Variants in ZFPM1 observed in about 807,000 individuals in gnomAD.
The protein encoded by ZFPM1 is zinc finger protein ZFPM1.
A neutral mutation model predicts 46.3 loss-of-function variants in ZFPM1; 28 were observed. That is an observed-to-expected ratio of 0.60 (90% CI 0.45 to 0.83). The LOEUF is 0.83. Among genes scored for constraint, ZFPM1 ranks in the 40% least tolerant of loss-of-function variants. The pLI, the probability that ZFPM1 is intolerant of heterozygous loss-of-function variation, is 0.00. For synonymous variants in ZFPM1, 957 were observed against 675.9 expected (o/e 1.42, Z -6.45); for missense variants, 1,878 against 1,432.4 (o/e 1.31, Z -5.02).
chr16:88,491,113 A>T (rs1449359374), intron 3 of ZFPM1, among the ~76,000 whole-genome samples: 2 of 146,162 alleles, frequency 1.4e-5, no homozygotes, highest in East Asian at 4.0e-4. Flanking sequence ...CGGGGGTCCC[A>T]GTCAGGTGCT....
chr16:88,534,865 C>T lies in ZFPM1; in HGVS notation c.2907C>T (p.Pro969=), dbSNP rs767256393. 12 of 1,567,416 alleles carry T rather than the reference C, an allele frequency of 7.7e-6. No individual in the cohort carries two copies. The highest frequency in any genetic ancestry group is 3.6e-5 in the Admixed American group (2 of 55,308). ...TPSKGTPAPL[P]NGNHRYCRLC... is the part of the protein sequence containing the mutation. ...GCAAGGGCACGCCGGCGCCGCTGCC[C>T]AACGGCAACCACCGGTACTGCCGTC... is the stretch of plus-strand genomic sequence containing the variant. The change falls in exon 10 of 10, where the codon CCC becomes CCT. Residue 969 remains proline (P), a synonymous_variant. Transcript: ENST00000319555.
At chr16:88,518,639 G>A (rs984023856) in intron 4 of ZFPM1, among the ~76,000 whole-genome samples, 2 of 149,480 alleles carry the variant, frequency 1.3e-5, no homozygotes, top group Non-Finnish European at 3.0e-5. Context: ...ATAACCAGGT[G>A]GATGGATGGA....
intron 2 of ZFPM1, among the ~76,000 whole-genome samples, chr16:88,488,563 A>G (rs1380321061): frequency 6.8e-6 from 1 of 147,054 alleles, no homozygotes; most frequent in Non-Finnish European, 1.5e-5. Context: ...TAATCTGTAG[A>G]CACGTGACGT....
In ZFPM1 at chr16:88,480,064, G is replaced by A. The variant is rs1010849815; in HGVS notation, c.41-5875G>A. On this transcript the variant is annotated intron_variant, in intron 1 of 9. Coordinates refer to ENST00000319555, the MANE Select transcript of ZFPM1 (RefSeq NM_153813.3). This position sits in a 1 kb window ranked among gnomAD's most constrained non-coding sequence, Gnocchi z 4.9. ...AGCCTTTGGCAAGACAGTTTGATCC[G>A]CTGAAACCAGGCTCAGGGAGAAGCC... Among the ~76,000 whole-genome samples, 2 of 152,062 alleles carry A rather than the reference G, an allele frequency of 1.3e-5. No individual in the cohort carries two copies. Among genetic ancestry groups the A allele is most frequent in the East Asian group, 1.9e-4 (1 of 5,164 alleles).
chr16:88,519,040 GGATGGATA>G (rs1252402840), intron 4 of ZFPM1, among the ~76,000 whole-genome samples: 40 of 134,040 alleles, frequency 3.0e-4, no homozygotes, highest in Non-Finnish European at 4.1e-4. Context: ...ATGGATGGGT[GGATGGATA>G]GATGGATGGA....
chr16:88,533,286 CGG>C lies in ZFPM1; in HGVS notation c.1329_1330del (p.Glu444AlafsTer227), dbSNP rs748757206. 1.4e-6 allele frequency: 2 copies of C among 1,390,526 alleles called. No individual in the cohort carries two copies. Among genetic ancestry groups the C allele is most frequent in the East Asian group, 2.8e-5 (1 of 35,798 alleles). 86.1% of individuals were successfully genotyped at this position (1,390,526 alleles called of 1,614,324 possible). ...GAGGCCACCAACGGAGAGGCCAGAG[CGG>C]AGCCTCTGGCCCAGAATGGAGGCAG... On this transcript the variant is annotated frameshift_variant, in exon 10 of 10. Transcript: ENST00000319555. LOFTEE classifies it low-confidence loss of function (END_TRUNC).
rs1444559851 is a variant in ZFPM1 at position 88,497,485 on chromosome 16, C to T, written c.268+8332C>T. 1.2e-4 allele frequency among the ~76,000 whole-genome samples: 2 copies of T among 16,520 alleles called. No individual in the cohort carries two copies. The highest frequency in any genetic ancestry group is 5.0e-4 in the African/African-American group (2 of 3,994). The allele number at this position is 16,520 out of a possible 152,430, so 10.8% of individuals were successfully genotyped here. A position where few individuals can be genotyped will look rare whatever the true frequency, so the allele number is the denominator to read the frequency against. Reference sequence around the variant, plus strand: ...GTCAGGGTGGGGCTCAGGGCCCGGGCGGGGATGGGGTTCAGAGGGGTCAGG... The same window carrying T: ...GTCAGGGTGGGGCTCAGGGCCCGGGTGGGGATGGGGTTCAGAGGGGTCAGG... On this transcript the variant is annotated intron_variant, in intron 3 of 9. Transcript: ENST00000319555. This position sits in a 1 kb window ranked among gnomAD's most constrained non-coding sequence, Gnocchi z 5.4.
intron 1 of ZFPM1, among the ~76,000 whole-genome samples, chr16:88,483,414 C>G (rs944885385): frequency 6.6e-6 from 1 of 152,228 alleles, no homozygotes; most frequent in Non-Finnish European, 1.5e-5. Context: ...GGCCCCCGAC[C>G]TCCCCTTCCT....
At chr16:88,465,913 G>C (rs1320676109) in intron 1 of ZFPM1, among the ~76,000 whole-genome samples, 2 of 152,218 alleles carry the variant, frequency 1.3e-5, no homozygotes, top group African/African-American at 4.8e-5. Flanking sequence ...TAGGGGTGGA[G>C]GAGGGACAGG....
chr16:88,521,471 A>AC (rs1420055846), intron 4 of ZFPM1, among the ~76,000 whole-genome samples: 3 of 147,688 alleles, frequency 2.0e-5, no homozygotes, highest in Admixed American at 6.7e-5. Flanking sequence ...TGGGTCAGGG[A>AC]CCCCCCGCTA....
At chr16:88,507,055 A>G (rs1327961564) in intron 3 of ZFPM1, among the ~76,000 whole-genome samples, 1 of 152,058 alleles carries the variant, frequency 6.6e-6, no homozygotes, top group East Asian at 1.9e-4. Flanking sequence ...GGCGACTCCT[A>G]TCTGTGAACG....
At chr16:88,501,015 C>T (rs746910733) in intron 3 of ZFPM1, among the ~76,000 whole-genome samples, 1 of 151,794 alleles carries the variant, frequency 6.6e-6, no homozygotes, top group East Asian at 1.9e-4. Flanking sequence ...ACTTCTCCAC[C>T]TCCTCCTGCC....
In ZFPM1 at chr16:88,489,109, C is replaced by T. The variant is rs146851162; in HGVS notation, c.224C>T (p.Pro75Leu). ...GAGCTGGAAGGACAGGAACCAGAAC[C>T]CAGGCCCACGGAGGAAGAGCCGGGC... is the stretch of plus-strand genomic sequence containing the variant. ...PKELEGQEPE[P>L]RPTEEEPGSP... The change falls in exon 3 of 10, where the codon CCC (proline) becomes CTC (leucine). Residue 75 changes from proline (P) to leucine (L), a missense_variant. By Grantham distance (98) the Pro-to-Leu change is moderately conservative. Coordinates refer to ENST00000319555, the MANE Select transcript of ZFPM1 (RefSeq NM_153813.3). The T allele has an allele frequency of 5.0e-5, 81 of 1,612,250 alleles. No homozygotes were observed. The highest frequency in any genetic ancestry group is 6.1e-5 in the Non-Finnish European group (72 of 1,179,534).
rs891920141 is a variant in ZFPM1, at chr16:88,513,819, G to A, written c.269-568G>A. Reference sequence around the variant, plus strand: ...CTCTCAGCTTCTGGGGGCTTCAGGCGACCCTCATGGCTGCCTCCCATCTCC... The same window carrying A: ...CTCTCAGCTTCTGGGGGCTTCAGGCAACCCTCATGGCTGCCTCCCATCTCC... On this transcript the variant is annotated intron_variant, in intron 3 of 9. Coordinates refer to ENST00000319555, the MANE Select transcript of ZFPM1 (RefSeq NM_153813.3). Among the ~76,000 whole-genome samples, 10 of 152,296 alleles carry A rather than the reference G, an allele frequency of 6.6e-5. 1 individual carries two copies. The highest frequency in any genetic ancestry group is 2.2e-4 in the African/African-American group (9 of 41,554).
Position 88,532,901 on chromosome 16 carries a change from A to C in ZFPM1, c.1155A>C (p.Pro385=). The C allele has an allele frequency of 6.2e-7, 1 of 1,613,262 alleles. No individual in the cohort carries two copies. The highest frequency in any genetic ancestry group is 8.5e-7 in the Non-Finnish European group (1 of 1,179,966). Residue 385 remains proline (P), a synonymous_variant, in exon 9 of 10, where the codon CCA becomes CCC. Transcript: ENST00000319555. The part of the protein sequence containing the change: ...QPGSKGEIYS[P]GAGHPATKLP... Reference sequence around the variant, plus strand: ...GCTCCAAGGGTGAGATCTACTCGCCAGGGGCCGGACACCCAGCAACCAAGC... The same window carrying C: ...GCTCCAAGGGTGAGATCTACTCGCCCGGGGCCGGACACCCAGCAACCAAGC...
chr16:88,503,464 C>T (rs2142406179), intron 3 of ZFPM1, among the ~76,000 whole-genome samples: 1 of 151,364 alleles, frequency 6.6e-6, no homozygotes. Context: ...CTGGGGGGCC[C>T]ACGGTTCCTG....
intron 1 of ZFPM1, 53 bp from the exon 2 acceptor site, chr16:88,485,886 A>G: frequency 6.4e-7 from 1 of 1,567,170 alleles, no homozygotes; most frequent in East Asian, 2.3e-5. Flanking sequence ...GTCAGGAGGC[A>G]GGAGCTGTCC....
At chr16:88,520,207 G>A (rs529305543) in intron 4 of ZFPM1, among the ~76,000 whole-genome samples, 1 of 150,926 alleles carries the variant, frequency 6.6e-6, no homozygotes, top group Non-Finnish European at 1.5e-5. Flanking sequence ...TAGATGGGTA[G>A]ATGGACAGAT....
At position 88,486,666 on chromosome 16, in the gene ZFPM1, C is replaced by T. The variant is rs548964891; in HGVS notation, c.145+623C>T. The stretch of plus-strand genomic sequence containing the variant: ...GCACAGTGGATCGGTCCTGGGTGCA[C>T]AGTGGGTGCTAGGTACACAGTGGGT... On this transcript the variant is annotated intron_variant, in intron 2 of 9. Coordinates refer to ENST00000319555, the MANE Select transcript of ZFPM1 (RefSeq NM_153813.3). 2.0e-5 allele frequency among the ~76,000 whole-genome samples: 3 copies of T among 146,978 alleles called. No homozygotes were observed. The South Asian group carries it at 6.5e-4, about 32-fold the overall frequency.
Sources: allele counts gnomAD v4.1 joint callset (sites outside exome capture counted in the v4.1 genomes callset), GRCh38; gene constraint gnomAD v4.1.1; non-coding constraint Gnocchi (gnomAD v3.1); transcripts MANE v1.5; gene names NCBI Gene and HGNC (gene_info 2026-07-23, HGNC 2026-07-21).